Variants in LRRC4C observed in about 807,000 individuals in gnomAD.
LRRC4C encodes leucine rich repeat containing 4C.
In LRRC4C, 5 loss-of-function variants were observed where a neutral mutation model predicts 33.6. That is an observed-to-expected ratio of 0.15 (90% CI 0.08 to 0.31). The LOEUF (loss-of-function observed/expected upper bound fraction) is 0.31. LRRC4C is among the 10% of genes least tolerant of loss of function. The probability of loss-of-function intolerance (pLI) is 1.00; values close to 1 mark genes in which losing one functional copy is unlikely to be tolerated. For synonymous variants in LRRC4C, 329 were observed against 302.0 expected, an observed-to-expected ratio of 1.09 and a Z score of -0.93; for missense variants, 560 against 796.7, an observed-to-expected ratio of 0.70 and a Z score of 3.58.
chr11:40,385,161 A>C (rs918261547), intron 3 of LRRC4C, among the ~76,000 whole-genome samples: 2 of 152,100 alleles, frequency 1.3e-5, no homozygotes, highest in Admixed American at 6.5e-5. Flanking sequence ...ACATGTTCAC[A>C]TGGGCAACAG....
intron 1 of LRRC4C, among the ~76,000 whole-genome samples, chr11:41,192,673 A>C (rs1458700449): frequency 1.3e-5 from 2 of 152,080 alleles, no homozygotes; most frequent in East Asian, 3.9e-4. Flanking sequence ...CTTTTACGTG[A>C]ATGCAGAATT....
At chr11:40,393,442 C>CT (rs746300450) in intron 3 of LRRC4C, among the ~76,000 whole-genome samples, 1 of 152,094 alleles carries the variant, frequency 6.6e-6, no homozygotes, top group Non-Finnish European at 1.5e-5. Flanking sequence ...TAAGAATGTA[C>CT]TTTGTTTTGA....
At chr11:41,218,923 AC>A (rs1947182590) in intron 1 of LRRC4C, among the ~76,000 whole-genome samples, 2 of 151,378 alleles carry the variant, frequency 1.3e-5, no homozygotes, top group African/African-American at 4.9e-5. Context: ...GCCTGCCACC[AC>A]GCCCGGCTAA....
chr11:41,265,065 C>G (rs10501260), intron 1 of LRRC4C, among the ~76,000 whole-genome samples: 6,929 of 152,204 alleles, frequency 0.046, 202 homozygotes, highest in South Asian at 0.074. Flanking sequence ...CATACCATGA[C>G]TGTCCTATTG....
intron 1 of LRRC4C, among the ~76,000 whole-genome samples, chr11:41,262,785 G>A (rs887250302): frequency 6.6e-6 from 1 of 152,030 alleles, no homozygotes; most frequent in Non-Finnish European, 1.5e-5. Context: ...CTATTAGCAA[G>A]AATAAAATAG....
chr11:40,803,881 T>C lies in LRRC4C; in HGVS notation c.-407+129754A>G, dbSNP rs528093444. On this transcript the variant is annotated intron_variant, in intron 2 of 6. Transcript: ENST00000528697. ...TAATCACATAATGGAGAATGGACTA[T>C]CTATCCACTCAAGCATTTATCCTTT... Among the ~76,000 whole-genome samples, 15 of 152,340 alleles carry C rather than the reference T, an allele frequency of 9.8e-5. No individual in the cohort carries two copies. In the East Asian group the frequency reaches 2.7e-3, roughly 27 times the overall value.
intron 3 of LRRC4C, among the ~76,000 whole-genome samples, chr11:40,424,772 C>T (rs965393226): frequency 7.2e-5 from 11 of 152,164 alleles, no homozygotes; most frequent in African/African-American, 2.7e-4. Flanking sequence ...TTTGACTAGG[C>T]ACAAAATATT....
intron 1 of LRRC4C, among the ~76,000 whole-genome samples, chr11:41,190,188 T>C (rs1458658088): frequency 6.6e-6 from 1 of 152,178 alleles, no homozygotes; most frequent in Non-Finnish European, 1.5e-5. Context: ...GAGGTCTACT[T>C]ATGCTGTTGC....
chr11:40,781,148 G>C (rs375468994), intron 2 of LRRC4C, among the ~76,000 whole-genome samples: 8 of 152,032 alleles, frequency 5.3e-5, no homozygotes, highest in African/African-American at 1.9e-4. Flanking sequence ...GAATATGGCA[G>C]GCAATTGTAA....
intron 1 of LRRC4C, among the ~76,000 whole-genome samples, chr11:41,262,160 C>G (rs933074198): frequency 6.6e-6 from 1 of 151,960 alleles, no homozygotes; most frequent in African/African-American, 2.4e-5. Flanking sequence ...GGCTGGCATA[C>G]TATGGTCTTT....
At chr11:41,436,773 C>A (rs560081194) in intron 1 of LRRC4C, among the ~76,000 whole-genome samples, 28 of 152,268 alleles carry the variant, frequency 1.8e-4, no homozygotes, top group Middle Eastern at 6.8e-3. Context: ...ATGACCTATA[C>A]CAACGTTTCT....
At chr11:40,285,197 G>A (rs994591472) in intron 4 of LRRC4C, among the ~76,000 whole-genome samples, 1 of 152,144 alleles carries the variant, frequency 6.6e-6, no homozygotes, top group Non-Finnish European at 1.5e-5. Context: ...AAAACCCCCA[G>A]CTTATGTCTT....
Position 40,890,388 on chromosome 11 carries a change from A to C in LRRC4C, c.-407+43247T>G, listed in dbSNP as rs1049265779. On this transcript the variant is annotated intron_variant, in intron 2 of 6. Coordinates refer to ENST00000528697, the MANE Select transcript of LRRC4C (RefSeq NM_001258419.2). Reference sequence around the variant, plus strand: ...AAGGCTGAATTCCCTTTATGACAAAACTCTGTCATGATTATAAACTCACTG... The same window carrying C: ...AAGGCTGAATTCCCTTTATGACAAACCTCTGTCATGATTATAAACTCACTG... 9.2e-5 allele frequency among the ~76,000 whole-genome samples: 14 copies of C among 152,008 alleles called. No homozygotes were observed. The East Asian group carries it at 2.5e-3, about 27-fold the overall frequency.
chr11:41,147,826 G>T (rs904576615), intron 1 of LRRC4C, among the ~76,000 whole-genome samples: 1 of 152,052 alleles, frequency 6.6e-6, no homozygotes, highest in Non-Finnish European at 1.5e-5. Flanking sequence ...GGCTCGGCTC[G>T]TGTCTGTAAT....
At chr11:41,138,691 T>C (rs943868912) in intron 1 of LRRC4C, among the ~76,000 whole-genome samples, 16 of 152,198 alleles carry the variant, frequency 1.1e-4, no homozygotes, top group African/African-American at 3.6e-4. Context: ...TCAGCTTTTA[T>C]GATGGTTTCA....
At chr11:40,944,474 T>A (rs1167219467) in intron 1 of LRRC4C, among the ~76,000 whole-genome samples, 2 of 152,192 alleles carry the variant, frequency 1.3e-5, no homozygotes, top group Non-Finnish European at 2.9e-5. Context: ...GCTTCTGTCA[T>A]TGAAAGAGTA....
chr11:40,647,896 G>A (rs1466333289), intron 3 of LRRC4C, among the ~76,000 whole-genome samples: 5 of 152,146 alleles, frequency 3.3e-5, no homozygotes, highest in African/African-American at 1.2e-4. Flanking sequence ...ACTGGTAAAA[G>A]TTTTATGAGG....
intron 4 of LRRC4C, among the ~76,000 whole-genome samples, chr11:40,285,970 GA>G (rs914658813): frequency 4.6e-5 from 7 of 150,662 alleles, no homozygotes; most frequent in African/African-American, 7.3e-5. Flanking sequence ...GAGGATTAAA[GA>G]AAAAAAAATA....
At chr11:40,232,325 C>T (rs1223642539) in intron 5 of LRRC4C, among the ~76,000 whole-genome samples, 1 of 152,142 alleles carries the variant, frequency 6.6e-6, no homozygotes, top group East Asian at 1.9e-4. Context: ...ATTTTTATAT[C>T]TCTCTTCACA....
Sources: allele counts gnomAD v4.1 joint callset (sites outside exome capture counted in the v4.1 genomes callset), GRCh38; gene constraint gnomAD v4.1.1; transcripts MANE v1.5; gene names NCBI Gene and HGNC (gene_info 2026-07-23, HGNC 2026-07-21).